The following MRTFA variants were observed in gnomAD, a reference collection of about 807,000 sequenced individuals.
MRTFA encodes the protein myocardin related transcription factor A, also known as myocardin-related transcription factor A.
MRTFA carries 20 observed loss-of-function variants against 83.5 expected under a neutral mutation model. That is an observed-to-expected ratio of 0.24 (90% CI 0.17 to 0.35). MRTFA has a LOEUF of 0.35. MRTFA is among the 10% of genes least tolerant of loss of function. MRTFA has a pLI of 1.00. For synonymous variants in MRTFA, 659 were observed against 541.2 expected, an observed-to-expected ratio of 1.22 and a Z score of -3.02; for missense variants, 1,200 against 1,224.7, an observed-to-expected ratio of 0.98 and a Z score of 0.30.
intron 2 of MRTFA, among the ~76,000 whole-genome samples, chr22:40,558,630 G>A (rs2068526805): frequency 6.6e-6 from 1 of 151,892 alleles, no homozygotes; most frequent in Non-Finnish European, 1.5e-5. Context: ...ATGCTCTTAT[G>A]CATTTAGTGA....
intron 2 of MRTFA, among the ~76,000 whole-genome samples, chr22:40,582,625 C>T (rs1489944564): frequency 1.3e-5 from 2 of 151,830 alleles, no homozygotes; most frequent in African/African-American, 4.8e-5. Context: ...TTACTTCCTT[C>T]CATACAGCCA....
At chr22:40,537,105 G>A (rs1386496809) in intron 3 of MRTFA, among the ~76,000 whole-genome samples, 1 of 59,692 alleles carries the variant, frequency 1.7e-5, no homozygotes, top group African/African-American at 6.3e-5. Flanking sequence ...CCGTCCGGGA[G>A]GGAGGTGGGG....
Position 40,429,715 on chromosome 22 carries a change from G to C in MRTFA, c.492C>G (p.Ala164=). Residue 164 remains alanine (A), a synonymous_variant, in exon 7 of 15, where the codon GCC becomes GCG. Transcript: ENST00000355630. ...TCTCATTGAGGTCATCGGCTAGTCT[G>C]GCTCTCTTCAGCTTCAGCTGCTTGG... 1 of 1,614,030 alleles carries C rather than the reference G, an allele frequency of 6.2e-7. No homozygotes were observed. Among genetic ancestry groups the C allele is most frequent in the South Asian group, 1.1e-5 (1 of 91,082 alleles).
At chr22:40,446,885 G>A (rs1446872930) in intron 4 of MRTFA, among the ~76,000 whole-genome samples, 1 of 152,166 alleles carries the variant, frequency 6.6e-6, no homozygotes, top group African/African-American at 2.4e-5. Flanking sequence ...CTGTTTTAGT[G>A]TTGGGTTATT....
chr22:40,506,440 A>C (rs940607135), intron 3 of MRTFA, among the ~76,000 whole-genome samples: 1 of 152,230 alleles, frequency 6.6e-6, no homozygotes, highest in Non-Finnish European at 1.5e-5. Flanking sequence ...ACTTCCCAGC[A>C]TAACTCAGTT....
At chr22:40,489,893 C>T (rs1441297130) in intron 3 of MRTFA, among the ~76,000 whole-genome samples, 1 of 143,890 alleles carries the variant, frequency 6.9e-6, no homozygotes, top group East Asian at 2.1e-4. Context: ...GCAAGAGAAT[C>T]GCTTGAAGGC....
chr22:40,454,776 C>T (rs1404843099), intron 4 of MRTFA, among the ~76,000 whole-genome samples: 1 of 152,114 alleles, frequency 6.6e-6, no homozygotes, highest in South Asian at 2.1e-4. Flanking sequence ...TTCTTTTGTT[C>T]GTATGCATGT....
At chr22:40,414,228 G>A (rs867383795) in intron 14 of MRTFA, among the ~76,000 whole-genome samples, 2 of 152,054 alleles carry the variant, frequency 1.3e-5, no homozygotes, top group Non-Finnish European at 1.5e-5. Context: ...CTGTAGTCCC[G>A]GCTACTCGAG....
intron 6 of MRTFA, 107 bp from the exon 7 acceptor site, chr22:40,429,874 T>C: frequency 8.5e-7 from 1 of 1,174,204 alleles, no homozygotes; most frequent in South Asian, 1.5e-5. Flanking sequence ...GGAGTGACTG[T>C]CAGAACGGTA....
chr22:40,587,129 G>A, intron 2 of MRTFA: 1 of 456,004 alleles, frequency 2.2e-6, no homozygotes, highest in Non-Finnish European at 4.5e-6. Context: ...TGGATGTCTG[G>A]GCTTTTCAAG....
Position 40,437,430 on chromosome 22 carries a change from C to T in MRTFA, c.308-1876G>A, listed in dbSNP as rs77193551. On this transcript the variant is annotated intron_variant, in intron 4 of 14. Transcript: ENST00000355630. ...CTTCCTTTTCTGCCTCATTTTTCTCCGCAGCACTCATCACTGTCTTGACAG... is the reference window on the plus strand; with the variant it reads ...CTTCCTTTTCTGCCTCATTTTTCTCTGCAGCACTCATCACTGTCTTGACAG... 2.5e-3 allele frequency among the ~76,000 whole-genome samples: 377 copies of T among 152,208 alleles called. 2 individuals are homozygous for T. The highest frequency in any genetic ancestry group is 3.7e-3 in the Non-Finnish European group (249 of 68,018).
chr22:40,510,948 C>G (rs2054657322), intron 3 of MRTFA, among the ~76,000 whole-genome samples: 1 of 152,042 alleles, frequency 6.6e-6, no homozygotes, highest in Non-Finnish European at 1.5e-5. Flanking sequence ...CTGCTGGGGA[C>G]TGTGAGTTTG....
chr22:40,556,477 G>A (rs1214818133), intron 2 of MRTFA, among the ~76,000 whole-genome samples: 1 of 151,890 alleles, frequency 6.6e-6, no homozygotes, highest in Non-Finnish European at 1.5e-5. Context: ...AAGATACTAA[G>A]GACTCTCTAC....
chr22:40,459,800 C>CACACACAA (rs2147145945), intron 4 of MRTFA, among the ~76,000 whole-genome samples: 1 of 112,712 alleles, frequency 8.9e-6, no homozygotes, highest in Non-Finnish European at 1.7e-5. Flanking sequence ...CACACACACA[C>CACACACAA]ACACACACAC....
At chr22:40,497,162 G>C (rs183453126) in intron 3 of MRTFA, among the ~76,000 whole-genome samples, 1 of 152,158 alleles carries the variant, frequency 6.6e-6, no homozygotes, top group Non-Finnish European at 1.5e-5. Flanking sequence ...GCTCTGATGA[G>C]GACAAAGAAG....
chr22:40,466,834 G>C (rs1015839073), intron 3 of MRTFA, among the ~76,000 whole-genome samples: 2 of 152,034 alleles, frequency 1.3e-5, no homozygotes, highest in Non-Finnish European at 2.9e-5. Context: ...CTTGCTTCAT[G>C]AACGCAAAAA....
At chr22:40,476,012 C>T (rs2053989219) in intron 3 of MRTFA, among the ~76,000 whole-genome samples, 2 of 151,730 alleles carry the variant, frequency 1.3e-5, no homozygotes, top group Non-Finnish European at 2.9e-5. Flanking sequence ...GGCGTGGTGG[C>T]GGGTGCCTGT....
In MRTFA at chr22:40,493,303, C is replaced by T. The variant is rs189034809; in HGVS notation, c.242-30017G>A. Reference sequence around the variant, plus strand: ...ATATTCTTCTCCCTACAAGGTTCCTCACACTTGAAAGCTAAGCGAGGCATG... The same window carrying T: ...ATATTCTTCTCCCTACAAGGTTCCTTACACTTGAAAGCTAAGCGAGGCATG... On this transcript the variant is annotated intron_variant, in intron 3 of 14. Coordinates refer to ENST00000355630, the MANE Select transcript of MRTFA (RefSeq NM_020831.6). Among the ~76,000 whole-genome samples, 46 of 152,324 alleles carry T rather than the reference C, an allele frequency of 3.0e-4. No individual in the cohort carries two copies. In the South Asian group the frequency reaches 5.0e-3, roughly 16 times the overall value.
At chr22:40,476,698 C>G (rs2054002422) in intron 3 of MRTFA, among the ~76,000 whole-genome samples, 1 of 152,082 alleles carries the variant, frequency 6.6e-6, no homozygotes, top group Non-Finnish European at 1.5e-5. Flanking sequence ...AATGATCCAC[C>G]CACCGCGGCC....
Sources: allele counts gnomAD v4.1 joint callset (sites outside exome capture counted in the v4.1 genomes callset), GRCh38; gene constraint gnomAD v4.1.1; transcripts MANE v1.5; gene names NCBI Gene and HGNC (gene_info 2026-07-23, HGNC 2026-07-21).